The following ZNF385D variants were observed in gnomAD, a reference collection of about 807,000 sequenced individuals.
The protein encoded by ZNF385D is zinc finger protein 385D, also known as zinc finger protein 659.
A neutral mutation model predicts 35.8 loss-of-function variants in ZNF385D; 15 were observed. The ratio of observed to expected loss-of-function variants is 0.42; its 90% CI spans 0.28 to 0.64. The LOEUF (loss-of-function observed/expected upper bound fraction) is 0.64. Ranked by LOEUF, ZNF385D falls within the 30% of genes least tolerant of loss-of-function variation. The pLI, the probability that ZNF385D is intolerant of heterozygous loss-of-function variation, is 0.23. For synonymous variants in ZNF385D, 212 were observed against 186.8 expected (o/e 1.13, Z -1.10); for missense variants, 474 against 494.6 (o/e 0.96, Z 0.39).
At chr3:22,269,720 G>A (rs1229355454) in intron 2 of ZNF385D, among the ~76,000 whole-genome samples, 1 of 151,502 alleles carries the variant, frequency 6.6e-6, no homozygotes, top group Non-Finnish European at 1.5e-5. Flanking sequence ...TCTTTTTTTG[G>A]GGGGAGGGTA....
Position 21,850,630 on chromosome 3 carries a change from A to G in ZNF385D, c.326-185602T>C, listed in dbSNP as rs569191132. 2.0e-5 allele frequency among the ~76,000 whole-genome samples: 3 copies of G among 152,246 alleles called. No homozygotes were observed. In the East Asian group the frequency reaches 5.8e-4, roughly 29 times the overall value. ...AAAGATCAATTAATGGAGACAGGAC[A>G]AGTATCCGGGAGCTAAAAGTTAGAA... On this transcript the variant is annotated intron_variant, in intron 3 of 5. Transcript: ENST00000494108.
chr3:21,715,980 G>T (rs1286018245), intron 1 of ZNF385D, among the ~76,000 whole-genome samples: 2 of 152,022 alleles, frequency 1.3e-5, no homozygotes, highest in South Asian at 4.2e-4. Flanking sequence ...TTCATCTCAG[G>T]AAACGGCAGC....
intron 2 of ZNF385D, among the ~76,000 whole-genome samples, chr3:21,641,408 A>G (rs2065601025): frequency 6.6e-6 from 1 of 151,908 alleles, no homozygotes; most frequent in Admixed American, 6.6e-5. Context: ...GGAGTAAACC[A>G]ATGAGGAAGA....
At chr3:22,177,646 A>G (rs1303282471) in intron 2 of ZNF385D, among the ~76,000 whole-genome samples, 1 of 152,168 alleles carries the variant, frequency 6.6e-6, no homozygotes, top group Admixed American at 6.6e-5. Flanking sequence ...GGTTTGTTAC[A>G]TATGTATACA....
chr3:21,870,699 A>G (rs1697642168), intron 3 of ZNF385D, among the ~76,000 whole-genome samples: 1 of 152,162 alleles, frequency 6.6e-6, no homozygotes, highest in Admixed American at 6.6e-5. Context: ...ACACTTTTAT[A>G]GATAGGTAGA....
chr3:21,600,341 ACC>A lies in ZNF385D; in HGVS notation c.166-35659_166-35658del, dbSNP rs1310407166. 5.3e-5 allele frequency among the ~76,000 whole-genome samples: 8 copies of A among 152,146 alleles called. No homozygotes were observed. The South Asian group carries it at 8.3e-4, about 16-fold the overall frequency. ...ACCCTCTCTTGGGGTCTGAATCAGG[ACC>A]CCTTTGTTGTAATACTCCCATTATT... On this transcript the variant is annotated intron_variant, in intron 2 of 7. Coordinates refer to ENST00000281523, the MANE Select transcript of ZNF385D (RefSeq NM_024697.3).
In ZNF385D at chr3:22,358,360, C is replaced by A. The variant is rs145079044; in HGVS notation, c.106+14090G>T. ...CATCAATATGCCCAAGGTGGCAGAG[C>A]CTCTGCAAATATTCAAGGAAGACAG... On this transcript the variant is annotated intron_variant, in intron 2 of 5. Transcript: ENST00000494108. Among the ~76,000 whole-genome samples, 645 of 152,018 alleles carry A rather than the reference C, an allele frequency of 4.2e-3. 7 individuals carry two copies. Among genetic ancestry groups the A allele is most frequent in the Non-Finnish European group, 4.6e-3 (314 of 67,860 alleles).
At chr3:21,552,224 T>G (rs2062591758) in intron 3 of ZNF385D, among the ~76,000 whole-genome samples, 1 of 152,216 alleles carries the variant, frequency 6.6e-6, no homozygotes, top group Non-Finnish European at 1.5e-5. Context: ...TAAAATGATC[T>G]AATATGTATG....
chr3:21,949,651 C>T (rs998468744), intron 3 of ZNF385D, among the ~76,000 whole-genome samples: 4 of 150,990 alleles, frequency 2.6e-5, no homozygotes, highest in African/African-American at 9.8e-5. Flanking sequence ...TGGTTTGCTG[C>T]ACCCATCAAC....
At chr3:21,501,534 C>T (rs192361117) in intron 4 of ZNF385D, among the ~76,000 whole-genome samples, 140 of 152,314 alleles carry the variant, frequency 9.2e-4, no homozygotes, top group African/African-American at 3.1e-3. Flanking sequence ...TTTTGTTTCA[C>T]ATTTCATGTC....
chr3:22,194,725 C>G (rs892865519), intron 2 of ZNF385D, among the ~76,000 whole-genome samples: 1 of 151,732 alleles, frequency 6.6e-6, no homozygotes, highest in African/African-American at 2.4e-5. Flanking sequence ...TTTTTCTTTT[C>G]AAGAATGTAG....
At chr3:21,858,328 T>A (rs994264960) in intron 3 of ZNF385D, among the ~76,000 whole-genome samples, 1 of 152,030 alleles carries the variant, frequency 6.6e-6, no homozygotes, top group African/African-American at 2.4e-5. Flanking sequence ...GGAACAGTTA[T>A]ATGCACAGTG....
chr3:21,621,812 T>C (rs935511299), intron 2 of ZNF385D, among the ~76,000 whole-genome samples: 2 of 150,056 alleles, frequency 1.3e-5, no homozygotes, highest in African/African-American at 2.5e-5. Flanking sequence ...ATTACTAATT[T>C]TATGTCTTCT....
chr3:21,978,763 T>C (rs1694210202), intron 3 of ZNF385D, among the ~76,000 whole-genome samples: 1 of 152,168 alleles, frequency 6.6e-6, no homozygotes, highest in Non-Finnish European at 1.5e-5. Context: ...AAAAGTCTTC[T>C]CGGGGAGCAA....
intron 3 of ZNF385D, among the ~76,000 whole-genome samples, chr3:22,046,644 A>T (rs1359883009): frequency 6.6e-6 from 1 of 152,108 alleles, no homozygotes; most frequent in Non-Finnish European, 1.5e-5. Flanking sequence ...AGATTTATTG[A>T]ATTACATTTA....
intron 2 of ZNF385D, among the ~76,000 whole-genome samples, chr3:22,171,785 G>A (rs1298740929): frequency 1.3e-5 from 2 of 150,016 alleles, no homozygotes; most frequent in African/African-American, 2.5e-5. Context: ...GCTGAGGCAG[G>A]AGAATGGAGT....
At chr3:21,799,025 T>A (rs1405120942) in intron 3 of ZNF385D, among the ~76,000 whole-genome samples, 1 of 152,208 alleles carries the variant, frequency 6.6e-6, no homozygotes, top group Non-Finnish European at 1.5e-5. Flanking sequence ...TCACCTATCC[T>A]GAATATTCCA....
chr3:21,617,991 A>G (rs2125805988), intron 2 of ZNF385D, among the ~76,000 whole-genome samples: 1 of 152,298 alleles, frequency 6.6e-6, no homozygotes, highest in South Asian at 2.1e-4. Context: ...TGTGATTGAA[A>G]GGCTAGATTC....
In ZNF385D at chr3:21,583,907, A is replaced by T. The variant is rs566907018; in HGVS notation, c.166-19223T>A. ...TTTTTCTTTTCTTCTTCAGTTTCCAATTCTCAAATTATTTCAGCTATACTT... is the reference window on the plus strand; with the variant it reads ...TTTTTCTTTTCTTCTTCAGTTTCCATTTCTCAAATTATTTCAGCTATACTT... On this transcript the variant is annotated intron_variant, in intron 2 of 7. Transcript: ENST00000281523. Among the ~76,000 whole-genome samples the T allele has an allele frequency of 4.0e-5, 6 of 150,470 alleles. No homozygotes were observed. The South Asian group carries it at 6.2e-4, about 16-fold the overall frequency.
Sources: gnomAD v4.1 joint callset for allele counts (sites outside exome capture counted in the v4.1 genomes callset) on GRCh38, gnomAD v4.1.1 for gene constraint, MANE v1.5 for transcripts, NCBI Gene and HGNC (gene_info 2026-07-23, HGNC 2026-07-21) for gene names.